RASGRF1: variants seen among roughly 807,000 people sequenced by gnomAD.
The protein encoded by RASGRF1 is ras-specific guanine nucleotide-releasing factor 1.
In RASGRF1, 40 loss-of-function variants were observed where a neutral mutation model predicts 138.7. That is an observed-to-expected ratio of 0.29 (90% CI 0.22 to 0.38). The LOEUF is 0.38. RASGRF1 is among the 10% of genes least tolerant of loss of function. The pLI is 1.00. For synonymous variants in RASGRF1, 614 were observed against 663.2 expected (o/e 0.93, Z 1.14); for missense variants, 1,108 against 1,650.4 (o/e 0.67, Z 5.69).
At chr15:79,015,457 C>A in intron 12 of RASGRF1, 48 bp from the exon 13 acceptor site, 1 of 1,522,334 alleles carries the variant, frequency 6.6e-7, no homozygotes, top group Non-Finnish European at 9.1e-7. Flanking sequence ...CATTCCTGGA[C>A]CCAGGCCCAC....
intron 1 of RASGRF1, among the ~76,000 whole-genome samples, chr15:79,078,140 T>TGC (rs1439419829): frequency 1.1e-4 from 13 of 116,940 alleles, no homozygotes; most frequent in Admixed American, 1.0e-3. Flanking sequence ...CTGGTGTGTG[T>TGC]GTGTGTGTGT....
At chr15:79,019,967 G>C in intron 11 of RASGRF1, 74 bp downstream of exon 11, 1 of 1,565,612 alleles carries the variant, frequency 6.4e-7, no homozygotes, top group Non-Finnish European at 8.8e-7. Flanking sequence ...CTAATGCCTG[G>C]CCCAACCTTT....
Position 78,991,832 on chromosome 15 carries a change from C to T in RASGRF1, c.3028-38G>A, listed in dbSNP as rs771916845. 3.3e-6 allele frequency: 5 copies of T among 1,538,114 alleles called. No individual in the cohort carries two copies. The Admixed American group carries it at 5.1e-5, about 16-fold the overall frequency. On this transcript the variant is annotated intron_variant, in intron 20 of 26. Coordinates refer to ENST00000558480, the MANE Select transcript of RASGRF1 (RefSeq NM_001145648.3). ...TGGGGGAGCAACATTTTGAGTTAGG[C>T]CCATGACGGACACCTCCTGGATTCC...
At chr15:79,022,031 T>C (rs748490468) in intron 10 of RASGRF1, among the ~76,000 whole-genome samples, 6 of 152,236 alleles carry the variant, frequency 3.9e-5, no homozygotes, top group Non-Finnish European at 8.8e-5. Context: ...ATAAGGAAAC[T>C]GAAGCCTGAT....
chr15:78,988,839 G>GTTTTTT (rs555940270), intron 22 of RASGRF1, among the ~76,000 whole-genome samples: 1 of 127,100 alleles, frequency 7.9e-6, no homozygotes, highest in African/African-American at 3.0e-5. Context: ...CTGGGAGGGA[G>GTTTTTT]TTTTTTTTTT....
intron 21 of RASGRF1, 69 bp downstream of exon 21, chr15:78,991,622 C>T (rs2056268984): frequency 1.6e-6 from 2 of 1,258,796 alleles, no homozygotes; most frequent in East Asian, 4.7e-5. Flanking sequence ...ACTGCGTGTG[C>T]TTCCAGGGTG....
chr15:78,997,970 C>T, intron 19 of RASGRF1, 126 bp downstream of exon 19: 1 of 763,626 alleles, frequency 1.3e-6, no homozygotes, highest in East Asian at 2.6e-5. Flanking sequence ...AGCACTCCTA[C>T]TTGGGGCTGT....
chr15:79,031,868 G>A (rs2057144138), intron 7 of RASGRF1, among the ~76,000 whole-genome samples: 1 of 152,110 alleles, frequency 6.6e-6, no homozygotes, highest in Non-Finnish European at 1.5e-5. Context: ...GCTCTTCCAG[G>A]GTCTTGTCTA....
chr15:79,002,260 ACT>A, intron 15 of RASGRF1, among the ~76,000 whole-genome samples: 1 of 151,608 alleles, frequency 6.6e-6, no homozygotes, highest in Non-Finnish European at 1.5e-5. Flanking sequence ...GCCCCTGGTC[ACT>A]CTTAAAATGT....
chr15:79,033,158 C>A (rs2141002845), intron 6 of RASGRF1, among the ~76,000 whole-genome samples: 1 of 152,334 alleles, frequency 6.6e-6, no homozygotes, highest in South Asian at 2.1e-4. Context: ...CTTTCCAGTG[C>A]CCCCAAGTCC....
In RASGRF1 at chr15:79,073,786, G is replaced by A. The variant is rs368599291; in HGVS notation, c.277-9260C>T. On this transcript the variant is annotated intron_variant, in intron 1 of 26. Coordinates refer to ENST00000558480, the MANE Select transcript of RASGRF1 (RefSeq NM_001145648.3). The surrounding 1 kb of genome is among the most constrained non-coding windows in gnomAD (Gnocchi z 4.2). ...AATGTCCCACCACCCTTACTGCCAT[G>A]AGAGTCCTTAAAGTCACTGGAGCTG... Among the ~76,000 whole-genome samples, 7 of 152,336 alleles carry A rather than the reference G, an allele frequency of 4.6e-5. No homozygotes were observed. The East Asian group carries it at 9.6e-4, about 21-fold the overall frequency.
chr15:79,070,213 G>T (rs1486333944), intron 1 of RASGRF1, among the ~76,000 whole-genome samples: 1 of 152,244 alleles, frequency 6.6e-6, no homozygotes, highest in Non-Finnish European at 1.5e-5. Context: ...GGACTTTGGA[G>T]ATGGAGAGCA....
intron 1 of RASGRF1, among the ~76,000 whole-genome samples, chr15:79,075,690 G>T (rs1445820989): frequency 1.3e-5 from 2 of 152,196 alleles, no homozygotes; most frequent in East Asian, 1.9e-4. Context: ...TTTCCTGGGG[G>T]TGTGGCACTT....
At chr15:79,075,989 C>T (rs1566969261) in intron 1 of RASGRF1, among the ~76,000 whole-genome samples, 1 of 152,188 alleles carries the variant, frequency 6.6e-6, no homozygotes, top group South Asian at 2.1e-4. Flanking sequence ...GTATTTAGCC[C>T]CCACTAGAAG....
At chr15:78,990,860 A>G (rs2056254517) in intron 21 of RASGRF1, among the ~76,000 whole-genome samples, 1 of 152,202 alleles carries the variant, frequency 6.6e-6, no homozygotes, top group Non-Finnish European at 1.5e-5. Flanking sequence ...TATCAGGAAT[A>G]TCATCTGTTT....
chr15:79,066,507 G>A (rs541873441), intron 1 of RASGRF1, among the ~76,000 whole-genome samples: 44 of 152,350 alleles, frequency 2.9e-4, no homozygotes, highest in African/African-American at 1.1e-3. Context: ...GAGCCCCAAG[G>A]GGAATGTCCC....
intron 5 of RASGRF1, among the ~76,000 whole-genome samples, chr15:79,041,532 G>A (rs985369952): frequency 6.6e-6 from 1 of 152,244 alleles, no homozygotes; most frequent in African/African-American, 2.4e-5. Flanking sequence ...AGCAAGGGAT[G>A]TGGGGGTGGT....
Position 78,961,963 on chromosome 15 carries a change from G to A in RASGRF1, c.*181C>T. The A allele has an allele frequency of 3.6e-6, 2 of 557,950 alleles. No homozygotes were observed. Among genetic ancestry groups the A allele is most frequent in the Non-Finnish European group, 6.4e-6 (2 of 314,652 alleles). The allele number at this position is 557,950 out of a possible 1,614,324, so 34.6% of individuals were successfully genotyped here. A position where few individuals can be genotyped will look rare whatever the true frequency, so the allele number is the denominator to read the frequency against. On this transcript the variant is annotated 3_prime_UTR_variant, in exon 27 of 27. Transcript: ENST00000558480. Reference sequence around the variant, plus strand: ...AGGAGACGAGGGGAGGGATGGGTGGGCGAAGTCTGAAACGGTGCAGAAATT... The same window carrying A: ...AGGAGACGAGGGGAGGGATGGGTGGACGAAGTCTGAAACGGTGCAGAAATT...
At chr15:78,970,516 G>T (rs1285681544) in intron 26 of RASGRF1, among the ~76,000 whole-genome samples, 1 of 150,452 alleles carries the variant, frequency 6.6e-6, no homozygotes, top group East Asian at 2.0e-4. Context: ...CCAGCTATGC[G>T]GGAGGCTGAG....
Sources: allele counts gnomAD v4.1 joint callset (sites outside exome capture counted in the v4.1 genomes callset), GRCh38; gene constraint gnomAD v4.1.1; non-coding constraint Gnocchi (gnomAD v3.1); transcripts MANE v1.5; gene names NCBI Gene and HGNC (gene_info 2026-07-23, HGNC 2026-07-21).